HMCN2: variants seen among roughly 807,000 people sequenced by gnomAD.
HMCN2 encodes hemicentin-2.
In HMCN2, 325 loss-of-function variants were observed where a neutral mutation model predicts 377.5. That is an observed-to-expected ratio of 0.86 (90% confidence interval 0.79 to 0.94). The LOEUF (loss-of-function observed/expected upper bound fraction) is 0.94, where lower values mean the gene tolerates loss of function less well. Ranked by LOEUF, HMCN2 falls within the 40% of genes least tolerant of loss-of-function variation. The pLI, the probability that HMCN2 is intolerant of heterozygous loss-of-function variation, is 0.00. For missense variants in HMCN2, 4,543 were observed against 4,725.3 expected (o/e 0.96, Z 1.13); for synonymous variants, 2,007 against 2,046.8 (o/e 0.98, Z 0.53).
At chr9:130,421,971 G>T (rs115588448) in intron 86 of HMCN2, among the ~76,000 whole-genome samples, 2,693 of 152,336 alleles carry the variant, frequency 0.018, 38 homozygotes, top group East Asian at 0.069. Flanking sequence ...GACAGCTGGC[G>T]CATTAGTCAG....
At chr9:130,307,707 A>G (rs1193245700) in intron 14 of HMCN2, 141 bp downstream of exon 14, 2 of 414,952 alleles carry the variant, frequency 4.8e-6, no homozygotes, top group African/African-American at 4.1e-5. Flanking sequence ...AGCCAGTGTC[A>G]GAGCTGGTGG....
rs1842476103 is a variant in HMCN2, at chr9:130,394,063, T to C, written c.10501+55T>C. ...CTGGGCTCGGGGGAGAGGGTGGGAC[T>C]CTAGGGGCAATGGGAAGGACAGTGA... On this transcript the variant is annotated intron_variant, in intron 68 of 97. Transcript: ENST00000683500. The surrounding 1 kb of genome is among the most constrained non-coding windows in gnomAD (Gnocchi z 5.1). 8.4e-7 allele frequency: 1 copy of C among 1,188,522 alleles called. No homozygotes were observed. The highest frequency in any genetic ancestry group is 6.0e-5 in the East Asian group (1 of 16,558). 73.6% of individuals were successfully genotyped at this position (1,188,522 alleles called of 1,614,324 possible). A position where few individuals can be genotyped will look rare whatever the true frequency, so the allele number is the denominator to read the frequency against.
At chr9:130,378,883 G>A (rs1841544635) in intron 53 of HMCN2, among the ~76,000 whole-genome samples, 1 of 152,152 alleles carries the variant, frequency 6.6e-6, no homozygotes, top group African/African-American at 2.4e-5. Flanking sequence ...AGGTGACCTT[G>A]AGGGCCCCCC....
Position 130,400,908 on chromosome 9 carries a change from C to G in HMCN2, c.11731C>G (p.Leu3911Val), listed in dbSNP as rs1293765516. The G allele has an allele frequency of 4.7e-6, 6 of 1,289,316 alleles. No homozygotes were observed. The African/African-American group carries it at 9.1e-5, about 20-fold the overall frequency. 79.9% of individuals were successfully genotyped at this position (1,289,316 alleles called of 1,614,324 possible). Residue 3911 changes from leucine (L) to valine (V), a missense_variant, in exon 77 of 98, where the codon CTA becomes GTA. Leu to Val is a conservative substitution (Grantham distance 32). Coordinates refer to ENST00000683500, the MANE Select transcript of HMCN2 (RefSeq NM_001291815.2). ...TVSWSKAGAQ[L>V]GARGSGYRVS... ...GTCCTGGAGCAAGGCAGGCGCCCAG[C>G]TAGGAGCTCGGGGGAGTGGCTATCG...
intron 90 of HMCN2, 93 bp downstream of exon 90, chr9:130,426,017 T>A: frequency 1.1e-6 from 1 of 923,608 alleles, no homozygotes; most frequent in Non-Finnish European, 1.6e-6. Flanking sequence ...CCCCTGCCCC[T>A]AACATCCACT....
In HMCN2 at chr9:130,429,632, G is replaced by A. The variant is rs745768184; in HGVS notation, c.14273G>A (p.Arg4758His). ...TGCGAGAACACCCCAGGCGGTCACC[G>A]CTGCAGCTGCCCCAGGGGTTACCGG... is the stretch of plus-strand genomic sequence containing the variant. ...QLCENTPGGHRCSCPRGYRMQ... is the reference protein window; with the variant it reads ...QLCENTPGGHHCSCPRGYRMQ... Residue 4758 changes from arginine to histidine, a missense_variant, in exon 94 of 98, where the codon CGC (arginine) becomes CAC (histidine). Arg to His is a conservative substitution (Grantham distance 29). Around this residue, in one of 5 missense-constraint regions of HMCN2, gnomAD observed 1,155 missense variants for 1,157.7 expected, o/e 1.00. Coordinates refer to ENST00000683500, the MANE Select transcript of HMCN2 (RefSeq NM_001291815.2). The A allele has an allele frequency of 3.4e-5, 53 of 1,548,886 alleles. No individual in the cohort carries two copies. The highest frequency in any genetic ancestry group is 1.7e-4 in the Middle Eastern group (1 of 5,978).
intron 84 of HMCN2, among the ~76,000 whole-genome samples, chr9:130,409,663 C>A (rs547351235): frequency 6.6e-6 from 1 of 152,214 alleles, no homozygotes; most frequent in African/African-American, 2.4e-5. Flanking sequence ...AAGCATTATT[C>A]CATGTGATGC....
intron 48 of HMCN2, among the ~76,000 whole-genome samples, chr9:130,374,120 T>A (rs1261612506): frequency 6.6e-6 from 1 of 150,666 alleles, no homozygotes; most frequent in Non-Finnish European, 1.5e-5. Flanking sequence ...GGGCGGTGGG[T>A]GTGTGGACGA....
intron 8 of HMCN2, among the ~76,000 whole-genome samples, chr9:130,299,620 C>T (rs1836373271): frequency 6.6e-6 from 1 of 151,064 alleles, no homozygotes; most frequent in African/African-American, 2.4e-5. Context: ...TGCACCCACC[C>T]ATCCACTCAC....
Position 130,375,680 on chromosome 9 carries a change from C to G in HMCN2, c.7748C>G (p.Thr2583Ser). 2.0e-6 allele frequency: 2 copies of G among 985,954 alleles called. No homozygotes were observed. The highest frequency in any genetic ancestry group is 2.4e-6 in the Non-Finnish European group (2 of 830,006). The allele number at this position is 985,954 out of a possible 1,614,324, so 61.1% of individuals were successfully genotyped here. A position where few individuals can be genotyped will look rare whatever the true frequency, so the allele number is the denominator to read the frequency against. ...CTGGCCTTCCCTTCCCCCAACATCA[C>G]CTGGATGAAGGACGGGGCCCCGTTT... ...EALAFPSPNITWMKDGAPFEA... is the reference protein window; with the variant it reads ...EALAFPSPNISWMKDGAPFEA... The change falls in exon 50 of 98, where the codon ACC becomes AGC. Residue 2583 changes from threonine to serine, a missense_variant. Thr to Ser is a moderately conservative substitution (Grantham distance 58, BLOSUM62 1). Around this residue, in one of 5 missense-constraint regions of HMCN2, gnomAD observed 736 missense variants for 773.2 expected, o/e 0.95. Transcript: ENST00000683500.
At chr9:130,313,715 AGTGCCCTGAGCTGTGGTCT>A (rs1837393957) in intron 15 of HMCN2, among the ~76,000 whole-genome samples, 1 of 150,174 alleles carries the variant, frequency 6.7e-6, no homozygotes. Flanking sequence ...TCCTGAGTTC[AGTGCCCTGAGCTGTGGTCT>A]GTGCTTTACT....
intron 8 of HMCN2, among the ~76,000 whole-genome samples, chr9:130,301,462 G>A (rs1160710731): frequency 6.6e-6 from 1 of 152,242 alleles, no homozygotes; most frequent in African/African-American, 2.4e-5. Context: ...TGGGAGGCTG[G>A]AATTTCGCCT....
intron 63 of HMCN2, 26 bp from the exon 64 acceptor site, chr9:130,391,178 A>G: frequency 2.0e-6 from 2 of 988,012 alleles, no homozygotes; most frequent in South Asian, 4.7e-5. Flanking sequence ...GCCATCACCC[A>G]GGGCCTCACT....
intron 82 of HMCN2, chr9:130,407,265 G>A (rs894089897): frequency 1.9e-4 from 33 of 170,160 alleles, no homozygotes; most frequent in Non-Finnish European, 3.2e-4. Flanking sequence ...AAAAAAAAAA[G>A]AAACCTTCTC....
At chr9:130,279,646 C>T (rs985840119) in intron 1 of HMCN2, among the ~76,000 whole-genome samples, 2 of 152,218 alleles carry the variant, frequency 1.3e-5, no homozygotes, top group Non-Finnish European at 2.9e-5. Context: ...AGCCACCGTG[C>T]CCGGCCCTCA....
rs1167253472 is a variant in HMCN2, at chr9:130,303,543, C to A, written c.1478C>A (p.Thr493Lys). The part of the protein sequence containing the change: ...ILRASKAEEG[T>K]YECTAVSRAG... ...CGGGCCTCCAAGGCCGAGGAGGGCA[C>A]GTACGAGTGCACAGCCGTCAGCAGG... Residue 493 changes from threonine to lysine, a missense_variant, in exon 10 of 98, where the codon ACG (threonine) becomes AAG (lysine). Transcript: ENST00000683500. The surrounding 1 kb of genome is among the most constrained non-coding windows in gnomAD (Gnocchi z 5.2). 2 of 420,152 alleles carry A rather than the reference C, an allele frequency of 4.8e-6. No individual in the cohort carries two copies. Among genetic ancestry groups the A allele is most frequent in the Non-Finnish European group, 1.0e-5 (2 of 200,342 alleles). 26.0% of individuals were successfully genotyped at this position (420,152 alleles called of 1,614,324 possible). A position where few individuals can be genotyped will look rare whatever the true frequency, so the allele number is the denominator to read the frequency against.
intron 90 of HMCN2, among the ~76,000 whole-genome samples, 159 bp from the exon 91 acceptor site, chr9:130,427,154 C>T (rs1048846107): frequency 5.9e-5 from 9 of 152,232 alleles, no homozygotes; most frequent in Non-Finnish European, 8.8e-5. Flanking sequence ...TCGCCTCCAA[C>T]AGGCCTGGGC....
chr9:130,326,693 A>G (rs938149640), intron 21 of HMCN2, among the ~76,000 whole-genome samples: 6 of 152,066 alleles, frequency 3.9e-5, no homozygotes, highest in Non-Finnish European at 7.4e-5. Context: ...AGCTTCTTTC[A>G]TTGTTGCTGC....
chr9:130,269,639 T>G (rs1348440353), intron 1 of HMCN2, among the ~76,000 whole-genome samples: 5 of 148,842 alleles, frequency 3.4e-5, no homozygotes, highest in Admixed American at 6.7e-5. Flanking sequence ...CAATTGCTAG[T>G]GAGGTTCAAT....
Sources: gnomAD v4.1 joint callset for allele counts (sites outside exome capture counted in the v4.1 genomes callset) on GRCh38, gnomAD v4.1.1 for gene constraint, gnomAD v4.1.1 regional missense constraint, Gnocchi (gnomAD v3.1) non-coding constraint, MANE v1.5 for transcripts, NCBI Gene and HGNC (gene_info 2026-07-23, HGNC 2026-07-21) for gene names.